The following ITPR1 variants were observed in gnomAD, a reference collection of about 807,000 sequenced individuals.
The protein encoded by ITPR1 is inositol 1,4,5-trisphosphate receptor type 1.
A neutral mutation model predicts 318.4 loss-of-function variants in ITPR1; 96 were observed. The observed-to-expected ratio is 0.30, with a 90% CI of 0.26 to 0.36. The LOEUF (loss-of-function observed/expected upper bound fraction) is 0.36, where lower values mean the gene tolerates loss of function less well. Among genes scored for constraint, ITPR1 ranks in the 10% least tolerant of loss-of-function variants. The probability of loss-of-function intolerance (pLI) is 1.00; values close to 1 mark genes in which losing one functional copy is unlikely to be tolerated. For missense variants in ITPR1, 2,440 were observed against 3,460.2 expected (o/e 0.71, Z 7.40); for synonymous variants, 1,312 against 1,289.9 (o/e 1.02, Z -0.37).
At chr3:4,707,385 T>G (rs2094781926) in intron 37 of ITPR1, among the ~76,000 whole-genome samples, 1 of 152,220 alleles carries the variant, frequency 6.6e-6, no homozygotes. Flanking sequence ...GGTTGTCAGG[T>G]GGGACCTCAG....
At chr3:4,704,726 G>A (rs184974979) in intron 36 of ITPR1, among the ~76,000 whole-genome samples, 1 of 151,958 alleles carries the variant, frequency 6.6e-6, no homozygotes, top group African/African-American at 2.4e-5. Context: ...GTGGTGATAA[G>A]ACAAAAGACA....
chr3:4,829,930 G>GT (rs1050185268), intron 60 of ITPR1, among the ~76,000 whole-genome samples: 8 of 111,556 alleles, frequency 7.2e-5, no homozygotes, highest in Admixed American at 5.1e-4. Flanking sequence ...ATTTTTTAGG[G>GT]TTTTTTTTAA....
intron 43 of ITPR1, among the ~76,000 whole-genome samples, chr3:4,733,954 C>T (rs1290910283): frequency 6.6e-6 from 1 of 152,208 alleles, no homozygotes; most frequent in African/African-American, 2.4e-5. Flanking sequence ...ATGTGAGTTG[C>T]CTGATTTCCT....
chr3:4,694,151 T>TA (rs1234482868), intron 33 of ITPR1, among the ~76,000 whole-genome samples: 2 of 151,502 alleles, frequency 1.3e-5, no homozygotes, highest in Non-Finnish European at 2.9e-5. Context: ...ATGGCCATTA[T>TA]AAAAAATTTA....
At chr3:4,656,237 G>A (rs2093705676) in intron 12 of ITPR1, among the ~76,000 whole-genome samples, 2 of 152,216 alleles carry the variant, frequency 1.3e-5, no homozygotes, top group South Asian at 4.1e-4. Context: ...AGACACAGTG[G>A]ACGTAATGCA....
intron 44 of ITPR1, among the ~76,000 whole-genome samples, chr3:4,762,871 A>T (rs1420980846): frequency 6.6e-6 from 1 of 152,244 alleles, no homozygotes; most frequent in Non-Finnish European, 1.5e-5. Context: ...TCATTCTATT[A>T]TAAAGTTACA....
rs115661052 is a variant in ITPR1, at chr3:4,528,198, A to G, written c.163+7104A>G. 3.1e-3 allele frequency among the ~76,000 whole-genome samples: 468 copies of G among 152,302 alleles called. 7 individuals carry two copies. The highest frequency in any genetic ancestry group is 0.011 in the African/African-American group (445 of 41,572). ...TAGCCTCAGTTTCCCCATCTGTTAA[A>G]TTGGGTTTTTCCAAGATTTCATCCA... On this transcript the variant is annotated intron_variant, in intron 4 of 61. Transcript: ENST00000649015.
chr3:4,554,318 G>T (rs1187324731), intron 4 of ITPR1, among the ~76,000 whole-genome samples: 1 of 152,214 alleles, frequency 6.6e-6, no homozygotes, highest in African/African-American at 2.4e-5. Flanking sequence ...ACAGTGTTTG[G>T]CACATCATAG....
intron 2 of ITPR1, among the ~76,000 whole-genome samples, chr3:4,512,261 T>C (rs1261812802): frequency 6.6e-6 from 1 of 152,176 alleles, no homozygotes; most frequent in Admixed American, 6.5e-5. Flanking sequence ...CCACCGTGCC[T>C]GGTTTAGGAG....
intron 60 of ITPR1, among the ~76,000 whole-genome samples, chr3:4,832,616 C>T (rs1052390718): frequency 3.9e-5 from 6 of 152,200 alleles, no homozygotes; most frequent in African/African-American, 1.4e-4. Context: ...GCCTGGGTGA[C>T]ACACCAAGAC....
intron 41 of ITPR1, among the ~76,000 whole-genome samples, chr3:4,726,181 A>C (rs2042500329): frequency 6.6e-6 from 1 of 151,888 alleles, no homozygotes. Context: ...AGGCATGTGC[A>C]ACAACGCTCA....
At chr3:4,648,377 A>G (rs915393036) in intron 10 of ITPR1, among the ~76,000 whole-genome samples, 3 of 152,238 alleles carry the variant, frequency 2.0e-5, no homozygotes, top group African/African-American at 7.2e-5. Flanking sequence ...TCAGAATGAA[A>G]TATCAGTTGT....
intron 23 of ITPR1, among the ~76,000 whole-genome samples, chr3:4,676,193 A>T (rs2125219664): frequency 6.6e-6 from 1 of 151,860 alleles, no homozygotes; most frequent in African/African-American, 2.4e-5. Flanking sequence ...AAAAAAAAAA[A>T]AATTAGCTGG....
At chr3:4,603,382 C>T (rs1317011470) in intron 4 of ITPR1, among the ~76,000 whole-genome samples, 1 of 152,008 alleles carries the variant, frequency 6.6e-6, no homozygotes, top group Non-Finnish European at 1.5e-5. Context: ...AGCCCTCACT[C>T]CCTGGTCCAT....
chr3:4,612,350 C>T (rs2092180055), intron 4 of ITPR1, among the ~76,000 whole-genome samples: 1 of 152,046 alleles, frequency 6.6e-6, no homozygotes, highest in African/African-American at 2.4e-5. Context: ...GCGTGAGCTG[C>T]CGCACCTGGC....
chr3:4,780,112 C>A (rs1397657989), intron 49 of ITPR1, among the ~76,000 whole-genome samples: 3 of 151,952 alleles, frequency 2.0e-5, no homozygotes, highest in Admixed American at 6.6e-5. Flanking sequence ...CTTTCCTGAT[C>A]CATAAAAGGA....
intron 42 of ITPR1, among the ~76,000 whole-genome samples, chr3:4,728,409 C>T (rs2042674939): frequency 6.6e-6 from 1 of 152,176 alleles, no homozygotes; most frequent in Non-Finnish European, 1.5e-5. Context: ...ATTATGAAGA[C>T]TGTCTTGGAA....
chr3:4,783,980 C>CCAGAGCAGGGCAT, intron 51 of ITPR1, 60 bp downstream of exon 51: 1 of 1,158,180 alleles, frequency 8.6e-7, no homozygotes, highest in Non-Finnish European at 1.3e-6. Flanking sequence ...GTGCAATGCC[C>CCAGAGCAGGGCAT]TGCTCTGGGG....
chr3:4,653,282 T>A (rs1280007777), intron 11 of ITPR1, among the ~76,000 whole-genome samples: 1 of 152,134 alleles, frequency 6.6e-6, no homozygotes, highest in East Asian at 1.9e-4. Context: ...GGCTGGCTCT[T>A]AAGTGTGCTC....
Sources: gnomAD v4.1 joint callset for allele counts (sites outside exome capture counted in the v4.1 genomes callset) on GRCh38, gnomAD v4.1.1 for gene constraint, MANE v1.5 for transcripts, NCBI Gene and HGNC (gene_info 2026-07-23, HGNC 2026-07-21) for gene names.